The following UBP1 variants were observed in gnomAD, a reference collection of about 807,000 sequenced individuals.
UBP1 encodes the protein upstream binding protein 1.
In UBP1, 22 loss-of-function variants were observed where a neutral mutation model predicts 76.1. The observed-to-expected ratio is 0.29, with a 90% CI of 0.21 to 0.41. The LOEUF (loss-of-function observed/expected upper bound fraction) is 0.41. UBP1 is among the 10% of genes least tolerant of loss of function. The pLI is 1.00. For synonymous variants in UBP1, 224 were observed against 237.1 expected (o/e 0.94, Z 0.51); for missense variants, 436 against 668.1 (o/e 0.65, Z 3.83).
intron 2 of UBP1, among the ~76,000 whole-genome samples, chr3:33,421,267 G>C (rs2044884235): frequency 6.9e-6 from 1 of 144,910 alleles, no homozygotes; most frequent in African/African-American, 2.5e-5. Flanking sequence ...GCATAACCAG[G>C]GAAACACAAA....
At chr3:33,412,385 A>G (rs561903648) in intron 4 of UBP1, among the ~76,000 whole-genome samples, 3 of 152,068 alleles carry the variant, frequency 2.0e-5, no homozygotes, top group East Asian at 1.9e-4. Context: ...ATATATATGT[A>G]TGTGTGTGCG....
chr3:33,393,348 C>T lies in UBP1; in HGVS notation c.1497G>A (p.Gln499=). The T allele has an allele frequency of 6.2e-7, 1 of 1,611,330 alleles. No individual in the cohort carries two copies. The highest frequency in any genetic ancestry group is 8.5e-7 in the Non-Finnish European group (1 of 1,178,780). Residue 499 remains glutamine, a synonymous_variant, in exon 14 of 16, where the codon CAG becomes CAA. Transcript: ENST00000283629. ...PLHQINQVYR[Q]GPTGIHILVS... is the part of the protein sequence containing the mutation. ...CAAGAATGTGAATACCGGTGGGACC[C>T]TGTCTGTAAACCTGATTAATTTGGT...
chr3:33,431,222 T>C (rs1487694840), intron 1 of UBP1, among the ~76,000 whole-genome samples: 2 of 151,286 alleles, frequency 1.3e-5, no homozygotes, highest in African/African-American at 4.9e-5. Context: ...GAGAGGAAAA[T>C]GAAGAAGTTA....
intron 1 of UBP1, among the ~76,000 whole-genome samples, chr3:33,439,189 T>C (rs1195141395): frequency 6.6e-6 from 1 of 152,192 alleles, no homozygotes; most frequent in African/African-American, 2.4e-5. Context: ...AATGAGAAAC[T>C]TCACTTTGAG....
At chr3:33,430,193 C>T (rs2045089590) in intron 1 of UBP1, among the ~76,000 whole-genome samples, 1 of 152,122 alleles carries the variant, frequency 6.6e-6, no homozygotes, top group Admixed American at 6.6e-5. Context: ...GCAGTAAGTC[C>T]AAGCAAGCCT....
At chr3:33,394,061 G>A (rs929593784) in intron 13 of UBP1, among the ~76,000 whole-genome samples, 7 of 151,708 alleles carry the variant, frequency 4.6e-5, no homozygotes, top group African/African-American at 1.7e-4. Flanking sequence ...TTGTTGCCCA[G>A]GCTGGAGTGC....
chr3:33,420,488 C>CTTTTT, intron 2 of UBP1, among the ~76,000 whole-genome samples: 1 of 120,616 alleles, frequency 8.3e-6, no homozygotes, highest in Non-Finnish European at 1.7e-5. Flanking sequence ...ACCATACTGG[C>CTTTTT]TTTTTTTTTT....
In UBP1 at chr3:33,390,643, A is replaced by C. The variant is rs1271332426; in HGVS notation, c.1586-275T>G. 3.6e-5 allele frequency: 18 copies of C among 500,294 alleles called. No individual in the cohort carries two copies. In the Admixed American group the frequency reaches 5.8e-4, roughly 16 times the overall value. The allele number at this position is 500,294 out of a possible 1,614,324, so 31.0% of individuals were successfully genotyped here. ...CAGTTCTGGGGGTAGGGGGACATCT[A>C]TCAAGACACACAATAATAGTGCTGT... On this transcript the variant is annotated intron_variant, in intron 15 of 15. Coordinates refer to ENST00000283629, the MANE Select transcript of UBP1 (RefSeq NM_014517.5).
intron 8 of UBP1, 52 bp from the exon 9 acceptor site, chr3:33,402,956 A>C: frequency 6.8e-7 from 1 of 1,463,726 alleles, no homozygotes; most frequent in Non-Finnish European, 9.4e-7. Context: ...AATATGTGGA[A>C]GAAATATTTT....
chr3:33,422,787 A>T (rs2044933153), intron 2 of UBP1, among the ~76,000 whole-genome samples: 2 of 150,102 alleles, frequency 1.3e-5, no homozygotes, highest in Non-Finnish European at 3.0e-5. Flanking sequence ...GGAGAAGAGA[A>T]AGGGAGCAGA....
chr3:33,405,886 C>T (rs923403604), intron 8 of UBP1, among the ~76,000 whole-genome samples: 2 of 152,152 alleles, frequency 1.3e-5, no homozygotes, highest in East Asian at 1.9e-4. Context: ...GGGCTTAAAA[C>T]GCTTGTCTGA....
chr3:33,425,754 A>C lies in UBP1; in HGVS notation c.114-13T>G, dbSNP rs896354138. The C allele has an allele frequency of 1.3e-6, 2 of 1,567,156 alleles. No homozygotes were observed. The highest frequency in any genetic ancestry group is 3.4e-5 in the Admixed American group (2 of 59,540). On this transcript the variant is annotated splice_polypyrimidine_tract_variant and intron_variant, in intron 1 of 15. Coordinates refer to ENST00000283629, the MANE Select transcript of UBP1 (RefSeq NM_014517.5). The stretch of plus-strand genomic sequence containing the variant: ...TGCCAAGACATCACTGAAAAGCAAA[A>C]AATCAACACTGACCTTACTTTGGGT...
chr3:33,408,172 C>T (rs1048876176), intron 8 of UBP1, among the ~76,000 whole-genome samples: 4 of 152,068 alleles, frequency 2.6e-5, no homozygotes, highest in Non-Finnish European at 4.4e-5. Context: ...TAGACAGACA[C>T]ACATTTTTAT....
chr3:33,392,688 A>T, intron 14 of UBP1, 74 bp from the exon 15 acceptor site: 1 of 1,391,392 alleles, frequency 7.2e-7, no homozygotes, highest in South Asian at 1.3e-5. Flanking sequence ...TTAAAACAGT[A>T]AATATTCTTC....
At chr3:33,437,536 T>C (rs1575495044) in intron 1 of UBP1, among the ~76,000 whole-genome samples, 3 of 152,170 alleles carry the variant, frequency 2.0e-5, no homozygotes, top group Admixed American at 2.0e-4. Flanking sequence ...TTTTAAGCCA[T>C]CCAAAAAGCA....
chr3:33,433,369 A>T (rs1488703830), intron 1 of UBP1, among the ~76,000 whole-genome samples: 10,298 of 142,264 alleles, frequency 0.072, 419 homozygotes, highest in East Asian at 0.091. Context: ...AGCCTTTAAA[A>T]AAAAAAAAAA....
intron 2 of UBP1, among the ~76,000 whole-genome samples, chr3:33,424,230 C>A (rs2044971460): frequency 6.6e-6 from 1 of 152,156 alleles, no homozygotes; most frequent in Non-Finnish European, 1.5e-5. Flanking sequence ...GATTGCCTAT[C>A]CAAACACTAA....
chr3:33,433,318 C>T (rs188213686), intron 1 of UBP1, among the ~76,000 whole-genome samples: 8 of 148,822 alleles, frequency 5.4e-5, no homozygotes, highest in Non-Finnish European at 1.2e-4. Context: ...ACCTCAGTCT[C>T]CCAAATTGCT....
In UBP1 at chr3:33,408,816, T is replaced by C. The variant is rs929247611; in HGVS notation, c.820-19A>G. ...GCCTCATCTGGACAAACACCAAAGA[T>C]TGGGATCAATGTCTTTTCATTATAC... On this transcript the variant is annotated intron_variant, in intron 7 of 15. Coordinates refer to ENST00000283629, the MANE Select transcript of UBP1 (RefSeq NM_014517.5). The C allele has an allele frequency of 1.3e-5, 20 of 1,594,566 alleles. No individual in the cohort carries two copies. Among genetic ancestry groups the C allele is most frequent in the Admixed American group, 3.3e-5 (2 of 59,778 alleles).
Sources: gnomAD v4.1 joint callset for allele counts (sites outside exome capture counted in the v4.1 genomes callset) on GRCh38, gnomAD v4.1.1 for gene constraint, MANE v1.5 for transcripts, NCBI Gene and HGNC (gene_info 2026-07-23, HGNC 2026-07-21) for gene names.